LNX2: variants seen among roughly 807,000 people sequenced by gnomAD.
LNX2 encodes ligand of Numb protein X 2.
In LNX2, 35 loss-of-function variants were observed where a neutral mutation model predicts 66.2. The ratio of observed to expected loss-of-function variants is 0.53; its 90% CI spans 0.40 to 0.70. The LOEUF (loss-of-function observed/expected upper bound fraction) is 0.70, where lower values mean the gene tolerates loss of function less well. Ranked by LOEUF, LNX2 falls within the 30% of genes least tolerant of loss-of-function variation. The pLI is 0.00. For synonymous variants in LNX2, 337 were observed against 315.6 expected (o/e 1.07, Z -0.72); for missense variants, 791 against 850.8 (o/e 0.93, Z 0.87).
At chr13:27,577,748 C>T (rs984997732) in intron 2 of LNX2, among the ~76,000 whole-genome samples, 2 of 152,114 alleles carry the variant, frequency 1.3e-5, no homozygotes, top group African/African-American at 4.8e-5. Flanking sequence ...AATTCTGAAC[C>T]TTGCCATAAA....
intron 4 of LNX2, among the ~76,000 whole-genome samples, chr13:27,565,180 C>T (rs1333863453): frequency 6.6e-6 from 1 of 152,146 alleles, no homozygotes; most frequent in Non-Finnish European, 1.5e-5. Flanking sequence ...TAATTACAAT[C>T]TTTTGAGGTC....
intron 1 of LNX2, among the ~76,000 whole-genome samples, chr13:27,602,188 C>G (rs945409093): frequency 5.3e-5 from 8 of 152,026 alleles, no homozygotes; most frequent in Non-Finnish European, 1.0e-4. Context: ...AGCAATCATC[C>G]TACCTCAGCC....
intron 2 of LNX2, among the ~76,000 whole-genome samples, chr13:27,577,061 A>G (rs1300991438): frequency 2.0e-5 from 3 of 152,248 alleles, no homozygotes; most frequent in Non-Finnish European, 4.4e-5. Flanking sequence ...TCTAGTATCC[A>G]GAATACATAG....
At chr13:27,592,996 T>C (rs189930130) in intron 1 of LNX2, among the ~76,000 whole-genome samples, 2 of 152,278 alleles carry the variant, frequency 1.3e-5, no homozygotes, top group East Asian at 3.9e-4. Context: ...GCATAGACAA[T>C]TCTTTTGAGA....
At chr13:27,563,519 A>C (rs1218727123) in intron 4 of LNX2, among the ~76,000 whole-genome samples, 7 of 152,212 alleles carry the variant, frequency 4.6e-5, no homozygotes, top group Non-Finnish European at 1.0e-4. Flanking sequence ...TCTCAAAAAA[A>C]GTATAGTGAC....
intron 8 of LNX2, 23 bp downstream of exon 8, chr13:27,553,185 A>G: frequency 6.3e-7 from 1 of 1,588,152 alleles, no homozygotes; most frequent in Non-Finnish European, 8.6e-7. Flanking sequence ...ATTTCCATAA[A>G]GCAACAAGAA....
chr13:27,553,186 G>A (rs1330224946), intron 8 of LNX2, 22 bp downstream of exon 8: 3 of 1,586,870 alleles, frequency 1.9e-6, no homozygotes, highest in African/African-American at 1.3e-5. Flanking sequence ...TTTCCATAAA[G>A]CAACAAGAAA....
At chr13:27,578,028 A>G (rs1191173897) in intron 2 of LNX2, among the ~76,000 whole-genome samples, 1 of 152,206 alleles carries the variant, frequency 6.6e-6, no homozygotes, top group Non-Finnish European at 1.5e-5. Flanking sequence ...TCATTTCACT[A>G]ATACATAATC....
intron 2 of LNX2, among the ~76,000 whole-genome samples, chr13:27,576,005 G>C (rs1417661216): frequency 6.6e-6 from 1 of 152,138 alleles, no homozygotes; most frequent in East Asian, 1.9e-4. Flanking sequence ...TAAATTACAT[G>C]AATGAAACAT....
At chr13:27,613,890 T>C (rs1429282927) in intron 1 of LNX2, among the ~76,000 whole-genome samples, 4 of 152,256 alleles carry the variant, frequency 2.6e-5, no homozygotes, top group Non-Finnish European at 5.9e-5. Flanking sequence ...AGACAATCTT[T>C]TGTGTGCCAC....
intron 1 of LNX2, among the ~76,000 whole-genome samples, chr13:27,609,216 G>A (rs532126459): frequency 1.3e-5 from 2 of 149,338 alleles, no homozygotes; most frequent in Non-Finnish European, 3.0e-5. Flanking sequence ...AGAGTGGCAC[G>A]ATCTTGGCTC....
intron 1 of LNX2, among the ~76,000 whole-genome samples, chr13:27,612,773 T>C (rs554393715): frequency 3.3e-5 from 5 of 152,162 alleles, no homozygotes; most frequent in South Asian, 2.1e-4. Context: ...TGATTTTTTA[T>C]AGAGACAGGT....
intron 1 of LNX2, among the ~76,000 whole-genome samples, chr13:27,595,210 T>C (rs1359772583): frequency 1.3e-5 from 2 of 152,166 alleles, no homozygotes; most frequent in African/African-American, 2.4e-5. Flanking sequence ...ATCCATTTAG[T>C]GGTCAGCTCA....
At chr13:27,618,608 A>C (rs994904648) in intron 1 of LNX2, among the ~76,000 whole-genome samples, 4 of 152,222 alleles carry the variant, frequency 2.6e-5, no homozygotes, top group African/African-American at 9.6e-5. Context: ...AAATTTCTTA[A>C]TCTGGTATAA....
intron 1 of LNX2, among the ~76,000 whole-genome samples, chr13:27,612,907 T>C (rs1313158114): frequency 6.6e-6 from 1 of 152,254 alleles, no homozygotes. Flanking sequence ...ACCCAATATA[T>C]GCAGAATATT....
intron 1 of LNX2, among the ~76,000 whole-genome samples, chr13:27,608,982 G>A (rs561883800): frequency 2.6e-5 from 4 of 151,502 alleles, no homozygotes; most frequent in South Asian, 2.1e-4. Flanking sequence ...TTTTTGTGAC[G>A]GGGTTTTGCC....
intron 7 of LNX2, among the ~76,000 whole-genome samples, chr13:27,556,013 G>C (rs1402028317): frequency 2.0e-5 from 3 of 152,210 alleles, no homozygotes; most frequent in Non-Finnish European, 4.4e-5. Context: ...CTGAGTAACT[G>C]TTAGCAAATT....
At chr13:27,574,185 C>T (rs1359516106) in intron 2 of LNX2, among the ~76,000 whole-genome samples, 1 of 152,218 alleles carries the variant, frequency 6.6e-6, no homozygotes, top group Non-Finnish European at 1.5e-5. Flanking sequence ...TGGCCGGGTG[C>T]TTTAATCCCA....
chr13:27,612,184 G>A (rs374899810), intron 1 of LNX2, among the ~76,000 whole-genome samples: 2 of 152,292 alleles, frequency 1.3e-5, no homozygotes, highest in East Asian at 3.9e-4. Flanking sequence ...TGGATAAAAG[G>A]GTTTGTAATG....
Sources: gnomAD v4.1 joint callset for allele counts (sites outside exome capture counted in the v4.1 genomes callset) on GRCh38, gnomAD v4.1.1 for gene constraint, MANE v1.5 for transcripts, NCBI Gene and HGNC (gene_info 2026-07-23, HGNC 2026-07-21) for gene names.